The following DENR variants were observed in gnomAD, a reference collection of about 807,000 sequenced individuals.
DENR encodes density-regulated protein.
A neutral mutation model predicts 30.6 loss-of-function variants in DENR; 6 were observed. The observed-to-expected ratio is 0.20, with a 90% CI of 0.11 to 0.39. DENR has a LOEUF of 0.39. DENR is among the 10% of genes least tolerant of loss of function. DENR has a pLI of 1.00. For synonymous variants in DENR, 78 were observed against 72.1 expected, an observed-to-expected ratio of 1.08 and a Z score of -0.41; for missense variants, 141 against 230.9, an observed-to-expected ratio of 0.61 and a Z score of 2.52.
At chr12:122,768,969 A>G (rs761018208) in intron 7 of DENR, 48 bp downstream of exon 7, 12 of 1,606,428 alleles carry the variant, frequency 7.5e-6, no homozygotes, top group Non-Finnish European at 1.0e-5. Flanking sequence ...TTTTAAAGCA[A>G]ATTGCTTCCA....
intron 2 of DENR, among the ~76,000 whole-genome samples, chr12:122,754,808 G>A (rs1878503912): frequency 6.6e-6 from 1 of 152,196 alleles, no homozygotes; most frequent in Non-Finnish European, 1.5e-5. Flanking sequence ...CCACAAATTT[G>A]AAGGCCACTT....
chr12:122,767,582 A>G lies in DENR; in HGVS notation c.390A>G (p.Arg130=), dbSNP rs1157860923. 1.2e-6 allele frequency: 2 copies of G among 1,600,222 alleles called. No individual in the cohort carries two copies. Among genetic ancestry groups the G allele is most frequent in the Non-Finnish European group, 1.7e-6 (2 of 1,173,970 alleles). The part of the protein sequence containing the change: ...IPRAKKKYVT[R]VCGLATFEID... ...GAGCAAAGAAGAAATATGTGACAAG[A>G]GTATGTGGCCTTGCAACTTTTGGTG... Residue 130 remains arginine, a synonymous_variant, in exon 6 of 8, where the codon AGA becomes AGG. Coordinates refer to ENST00000280557, the MANE Select transcript of DENR (RefSeq NM_003677.5).
intron 5 of DENR, among the ~76,000 whole-genome samples, chr12:122,766,632 T>C (rs1223019862): frequency 6.6e-6 from 1 of 152,162 alleles, no homozygotes; most frequent in African/African-American, 2.4e-5. Flanking sequence ...ACTGACTTCT[T>C]TTTCTCTATT....
intron 3 of DENR, 131 bp from the exon 4 acceptor site, chr12:122,762,713 TG>T: frequency 1.5e-6 from 1 of 653,882 alleles, no homozygotes; most frequent in Non-Finnish European, 2.6e-6. Flanking sequence ...AGATTTCCTG[TG>T]GATAAGAAGT....
chr12:122,764,080 T>G (rs1878779007), intron 4 of DENR, among the ~76,000 whole-genome samples: 1 of 152,190 alleles, frequency 6.6e-6, no homozygotes, highest in Non-Finnish European at 1.5e-5. Flanking sequence ...GAGTAGAAGC[T>G]TTCCTAGTAT....
At chr12:122,760,656 G>A (rs911591359) in intron 2 of DENR, among the ~76,000 whole-genome samples, 3 of 152,152 alleles carry the variant, frequency 2.0e-5, no homozygotes, top group African/African-American at 4.8e-5. Context: ...GCGTGAACCC[G>A]GGAGGCGGAG....
Position 122,756,425 on chromosome 12 carries a change from G to T in DENR, c.106+2618G>T, listed in dbSNP as rs11059764. On this transcript the variant is annotated intron_variant, in intron 2 of 7. Transcript: ENST00000280557. ...GATCGTGCCACTGCACTCAGCCTTT[G>T]AGAGCAAAACTCCATCCCAGAAAAA... Among the ~76,000 whole-genome samples, 731 of 152,230 alleles carry T rather than the reference G, an allele frequency of 4.8e-3. 21 individuals carry two copies. The highest frequency in any genetic ancestry group is 0.043 in the Admixed American group (655 of 15,288).
intron 2 of DENR, among the ~76,000 whole-genome samples, chr12:122,760,591 C>T (rs560161700): frequency 3.7e-4 from 56 of 152,208 alleles, no homozygotes; most frequent in Admixed American, 1.2e-3. Flanking sequence ...ATTAGCCGGG[C>T]GCGGTGGCGG....
At chr12:122,764,781 T>A (rs757296583) in intron 4 of DENR, among the ~76,000 whole-genome samples, 2 of 152,204 alleles carry the variant, frequency 1.3e-5, no homozygotes, top group Non-Finnish European at 2.9e-5. Context: ...CCCCACTCAT[T>A]GCTCCTTGAC....
intron 4 of DENR, among the ~76,000 whole-genome samples, chr12:122,764,527 G>C (rs956727098): frequency 1.3e-5 from 2 of 152,140 alleles, no homozygotes; most frequent in Non-Finnish European, 2.9e-5. Flanking sequence ...GTGAATCCGG[G>C]AGGCAGAGCT....
Position 122,768,928 on chromosome 12 carries a change from G to T in DENR, c.552+7G>T. The stretch of plus-strand genomic sequence containing the variant: ...TCAGGAAAAATGGCCAGAGGTGAGT[G>T]CATGGAACACATACATCGCTAGAGA... On this transcript the variant is annotated splice_region_variant and intron_variant, in intron 7 of 7. Coordinates refer to ENST00000280557, the MANE Select transcript of DENR (RefSeq NM_003677.5). The T allele has an allele frequency of 6.2e-7, 1 of 1,610,412 alleles. No individual in the cohort carries two copies. The highest frequency in any genetic ancestry group is 1.3e-5 in the African/African-American group (1 of 74,872).
At position 122,769,306 on chromosome 12, in the gene DENR, AC is replaced by A; in HGVS notation, c.*229del. The A allele has an allele frequency of 1.8e-5, 13 of 723,930 alleles. No homozygotes were observed. The highest frequency in any genetic ancestry group is 1.9e-5 in the Non-Finnish European group (12 of 644,386). 44.8% of individuals were successfully genotyped at this position (723,930 alleles called of 1,614,324 possible). On this transcript the variant is annotated 3_prime_UTR_variant, in exon 8 of 8. Transcript: ENST00000280557. ...TATACACATATATGTATACATATAT[AC>A]ACATATGTATACATATATATATATT...
rs376751811 is a variant in DENR, at chr12:122,757,859, A to C, written c.106+4052A>C. Among the ~76,000 whole-genome samples the C allele has an allele frequency of 3.9e-5, 6 of 152,354 alleles. No homozygotes were observed. In the East Asian group the frequency reaches 9.6e-4, roughly 24 times the overall value. ...TGAAATGGGTTGAAACTGGCCACAG[A>C]AATCAAGTTTAGGAGACTTTATTTT... On this transcript the variant is annotated intron_variant, in intron 2 of 7. Transcript: ENST00000280557.
At chr12:122,765,275 A>T (rs201961274) in intron 4 of DENR, 29 bp from the exon 5 acceptor site, 2 of 1,525,948 alleles carry the variant, frequency 1.3e-6, no homozygotes, top group African/African-American at 1.4e-5. Context: ...GATGATGTTC[A>T]TGCTTTTGTA....
At chr12:122,754,830 G>A (rs1293354072) in intron 2 of DENR, among the ~76,000 whole-genome samples, 2 of 152,138 alleles carry the variant, frequency 1.3e-5, no homozygotes, top group Non-Finnish European at 2.9e-5. Flanking sequence ...CAGAAATCTA[G>A]GTTTGAGGTA....
intron 2 of DENR, 26 bp downstream of exon 2, chr12:122,753,833 C>G (rs1363194337): frequency 5.3e-6 from 8 of 1,517,094 alleles, no homozygotes; most frequent in Non-Finnish European, 7.3e-6. Flanking sequence ...CACAGAATGA[C>G]TTTTACTCAC....
In DENR at chr12:122,752,847, G is replaced by GTCGGGCGC. The variant is rs1414538790; in HGVS notation, c.-105_-98dup. The GTCGGGCGC allele has an allele frequency of 2.6e-5, 4 of 152,454 alleles. No homozygotes were observed. Among genetic ancestry groups the GTCGGGCGC allele is most frequent in the African/African-American group, 9.6e-5 (4 of 41,480 alleles). The allele number at this position is 152,454 out of a possible 1,614,324, so 9.4% of individuals were successfully genotyped here. A position where few individuals can be genotyped will look rare whatever the true frequency, so the allele number is the denominator to read the frequency against. On this transcript the variant is annotated 5_prime_UTR_variant, in exon 1 of 8. Transcript: ENST00000280557. ...TTGTCTCGCGGGAGCGCTGCTGGCG[G>GTCGGGCGC]TCGGGCGCTCGGGCGGCCCTGGCCG...
chr12:122,758,772 A>G (rs941516439), intron 2 of DENR, among the ~76,000 whole-genome samples: 1 of 152,054 alleles, frequency 6.6e-6, no homozygotes, highest in Non-Finnish European at 1.5e-5. Flanking sequence ...TCACTGCACT[A>G]TAGCCTGGGT....
chr12:122,769,510 CTCTCTT>C lies in DENR; in HGVS notation c.*434_*439del. The C allele has an allele frequency of 1.0e-6, 1 of 976,606 alleles. No homozygotes were observed. Among genetic ancestry groups the C allele is most frequent in the African/African-American group, 1.9e-5 (1 of 54,012 alleles). The allele number at this position is 976,606 out of a possible 1,614,324, so 60.5% of individuals were successfully genotyped here. On this transcript the variant is annotated 3_prime_UTR_variant, in exon 8 of 8. Transcript: ENST00000280557. The stretch of plus-strand genomic sequence containing the variant: ...GTACTGACTTTCTCTCTCTCTCTCT[CTCTCTT>C]TTTTTTTTTTGACAGAGTCTCGCAC...
Sources: gnomAD v4.1 joint callset for allele counts (sites outside exome capture counted in the v4.1 genomes callset) on GRCh38, gnomAD v4.1.1 for gene constraint, MANE v1.5 for transcripts, NCBI Gene and HGNC (gene_info 2026-07-23, HGNC 2026-07-21) for gene names.